Variants in DPF3 observed in about 807,000 individuals in gnomAD.
The protein encoded by DPF3 is zinc finger protein DPF3.
DPF3 carries 18 observed loss-of-function variants against 56.8 expected under a neutral mutation model. The observed-to-expected ratio is 0.32, with a 90% CI of 0.22 to 0.47. The LOEUF is 0.47. DPF3 is among the 20% of genes least tolerant of loss of function. The pLI is 1.00. For synonymous variants in DPF3, 188 were observed against 180.2 expected, an observed-to-expected ratio of 1.04 and a Z score of -0.35; for missense variants, 403 against 488.8, an observed-to-expected ratio of 0.82 and a Z score of 1.65.
Position 72,731,857 on chromosome 14 carries a change from C to T in DPF3, c.379G>A (p.Val127Ile), listed in dbSNP as rs1465192015. The T allele has an allele frequency of 6.2e-7, 1 of 1,612,950 alleles. No individual in the cohort carries two copies. The highest frequency in any genetic ancestry group is 8.5e-7 in the Non-Finnish European group (1 of 1,179,546). The change falls in exon 4 of 11, where the codon GTT becomes ATT. Residue 127 changes from valine (V) to isoleucine (I), a missense_variant. Val to Ile is a conservative substitution (Grantham distance 29, BLOSUM62 3). Coordinates refer to ENST00000556509, the MANE Select transcript of DPF3 (RefSeq NM_001280542.3). ...TCCCTGGCATCCACCTTCTTCTCAA[C>T]CCCCTCGCCACGGAGCAAGGCTTCC... The part of the protein sequence containing the change: ...TLEALLRGEG[V>I]EKKVDAREEE...
chr14:72,764,028 C>A (rs981870835), intron 2 of DPF3, among the ~76,000 whole-genome samples: 8 of 152,162 alleles, frequency 5.3e-5, no homozygotes, highest in South Asian at 2.1e-4. Context: ...GTTCCTAAAA[C>A]CCCTGGCATC....
At chr14:72,678,364 G>C (rs1360147597) in intron 7 of DPF3, among the ~76,000 whole-genome samples, 1 of 152,178 alleles carries the variant, frequency 6.6e-6, no homozygotes, top group Non-Finnish European at 1.5e-5. Context: ...AAAAATTATT[G>C]AGACCGGCCT....
At chr14:72,694,209 G>A (rs1887816086) in intron 6 of DPF3, among the ~76,000 whole-genome samples, 1 of 152,184 alleles carries the variant, frequency 6.6e-6, no homozygotes. Context: ...GCCCCTAGGG[G>A]GACGGCATTG....
chr14:72,692,629 AC>A (rs1052415129), intron 7 of DPF3, among the ~76,000 whole-genome samples: 4 of 152,254 alleles, frequency 2.6e-5, no homozygotes, highest in African/African-American at 9.6e-5. Flanking sequence ...CCCCTCTACA[AC>A]AAAACCACAG....
intron 8 of DPF3, among the ~76,000 whole-genome samples, chr14:72,638,339 T>A (rs1232160959): frequency 6.6e-6 from 1 of 152,218 alleles, no homozygotes; most frequent in East Asian, 1.9e-4. Flanking sequence ...TGCTGTGCAT[T>A]CCAGGCCTCT....
At position 72,893,008 on chromosome 14, in the gene DPF3, G is replaced by GC. The variant is rs1409645916; in HGVS notation, c.32+1048_32+1049insG. 2.6e-3 allele frequency among the ~76,000 whole-genome samples: 333 copies of GC among 126,102 alleles called. 11 individuals carry two copies. Among genetic ancestry groups the GC allele is most frequent in the South Asian group, 8.8e-3 (37 of 4,186 alleles). 82.7% of individuals were successfully genotyped at this position (126,102 alleles called of 152,430 possible). ...GGAAGGAAGGAAGGAAGGAAGGAAGGAAGGAAGGAAGGAAGGATGAAAAGG... is the reference window on the plus strand; with the variant it reads ...GGAAGGAAGGAAGGAAGGAAGGAAGGCAAGGAAGGAAGGAAGGATGAAAAGG... On this transcript the variant is annotated intron_variant, in intron 1 of 10. Transcript: ENST00000556509.
At chr14:72,765,303 A>C (rs550169266) in intron 2 of DPF3, among the ~76,000 whole-genome samples, 1 of 152,242 alleles carries the variant, frequency 6.6e-6, no homozygotes, top group African/African-American at 2.4e-5. Flanking sequence ...TGCTGGAGTC[A>C]ATGTAAAATG....
intron 1 of DPF3, among the ~76,000 whole-genome samples, chr14:72,884,861 C>T (rs1886452399): frequency 6.9e-6 from 1 of 145,302 alleles, no homozygotes. Flanking sequence ...CTTTGGGAGG[C>T]CGAGGCGGGC....
At chr14:72,768,071 T>C (rs572946595) in intron 2 of DPF3, among the ~76,000 whole-genome samples, 209 of 152,314 alleles carry the variant, frequency 1.4e-3, no homozygotes, top group African/African-American at 4.9e-3. Flanking sequence ...CCAGGAATGA[T>C]GGCAAAATCA....
chr14:72,804,276 C>A (rs2140006340), intron 1 of DPF3, among the ~76,000 whole-genome samples: 1 of 152,132 alleles, frequency 6.6e-6, no homozygotes. Context: ...TCCTGCCAGC[C>A]CCATCCCATC....
intron 1 of DPF3, among the ~76,000 whole-genome samples, chr14:72,816,365 CT>C (rs1454787290): frequency 6.6e-6 from 1 of 152,212 alleles, no homozygotes; most frequent in Non-Finnish European, 1.5e-5. Flanking sequence ...GTTATGTTAT[CT>C]GGCCTTCTCC....
intron 2 of DPF3, among the ~76,000 whole-genome samples, chr14:72,765,524 G>A (rs1374651537): frequency 1.3e-5 from 2 of 152,200 alleles, no homozygotes; most frequent in Admixed American, 6.5e-5. Flanking sequence ...ATCAACAGGT[G>A]AATGGATAAA....
rs931123019 is a variant in DPF3, at chr14:72,806,667, A to C, written c.33-34774T>G. 14 of 152,190 alleles carry C rather than the reference A, an allele frequency of 9.2e-5. No homozygotes were observed. In the East Asian group the frequency reaches 9.6e-4, roughly 10 times the overall value. The allele number at this position is 152,190 out of a possible 1,614,324, so 9.4% of individuals were successfully genotyped here. ...ATCCTGAAAATGTGGAAAACCTCTA[A>C]TGGAAGTGCAACCAAGTGCTCCTGG... On this transcript the variant is annotated intron_variant, in intron 1 of 10. Coordinates refer to ENST00000556509, the MANE Select transcript of DPF3 (RefSeq NM_001280542.3).
chr14:72,720,360 G>T (rs1889116862), intron 5 of DPF3, among the ~76,000 whole-genome samples: 1 of 152,140 alleles, frequency 6.6e-6, no homozygotes, highest in Non-Finnish European at 1.5e-5. Context: ...ATAAAGCATG[G>T]GCAAAACAGC....
intron 1 of DPF3, among the ~76,000 whole-genome samples, chr14:72,787,271 G>A (rs577809072): frequency 1.4e-4 from 22 of 152,352 alleles, no homozygotes; most frequent in African/African-American, 5.1e-4. Flanking sequence ...TCATCCCATG[G>A]AATAGGGAAA....
chr14:72,713,761 G>A (rs558786790), intron 6 of DPF3, among the ~76,000 whole-genome samples: 6 of 152,240 alleles, frequency 3.9e-5, no homozygotes, highest in Admixed American at 1.3e-4. Flanking sequence ...CAGGTTTCCC[G>A]AGGTCCACCC....
At chr14:72,764,653 T>A (rs1210964570) in intron 2 of DPF3, among the ~76,000 whole-genome samples, 1 of 151,602 alleles carries the variant, frequency 6.6e-6, no homozygotes, top group Non-Finnish European at 1.5e-5. Context: ...GCCCAGCTTA[T>A]TTTTTTTGTT....
At chr14:72,884,940 C>CTA (rs773450437) in intron 1 of DPF3, among the ~76,000 whole-genome samples, 1,208 of 29,586 alleles carry the variant, frequency 0.041, 153 homozygotes, top group Middle Eastern at 0.12. Context: ...ACTAAAAATA[C>CTA]TATATATATA....
intron 6 of DPF3, among the ~76,000 whole-genome samples, chr14:72,693,887 A>G (rs1257932769): frequency 1.3e-5 from 2 of 152,224 alleles, no homozygotes; most frequent in Non-Finnish European, 2.9e-5. Context: ...TGTGCCAGAA[A>G]CACATGCTGC....
Sources: gnomAD v4.1 joint callset for allele counts (sites outside exome capture counted in the v4.1 genomes callset) on GRCh38, gnomAD v4.1.1 for gene constraint, MANE v1.5 for transcripts, NCBI Gene and HGNC (gene_info 2026-07-23, HGNC 2026-07-21) for gene names.